The following CECR2 variants were observed in gnomAD, a reference collection of about 807,000 sequenced individuals.
CECR2 encodes CECR2 histone acetyl-lysine reader.
In CECR2, 30 loss-of-function variants were observed where a neutral mutation model predicts 154.5. That is an observed-to-expected ratio of 0.19 (90% CI 0.15 to 0.26). The LOEUF (loss-of-function observed/expected upper bound fraction) is 0.26, where lower values mean the gene tolerates loss of function less well. Among genes scored for constraint, CECR2 ranks in the 10% least tolerant of loss-of-function variants. The pLI is 1.00. For synonymous variants in CECR2, 725 were observed against 683.7 expected, an observed-to-expected ratio of 1.06 and a Z score of -0.94; for missense variants, 1,743 against 1,829.3, an observed-to-expected ratio of 0.95 and a Z score of 0.86.
intron 8 of CECR2, among the ~76,000 whole-genome samples, chr22:17,521,861 C>T (rs972830408): frequency 6.6e-6 from 1 of 152,114 alleles, no homozygotes; most frequent in African/African-American, 2.4e-5. Flanking sequence ...CCTAGGTTTT[C>T]TTCTAGGGTT....
In CECR2 at chr22:17,484,792, T is replaced by G. The variant is rs1355302857; in HGVS notation, c.221+7110T>G. Among the ~76,000 whole-genome samples the G allele has an allele frequency of 2.6e-5, 4 of 152,204 alleles. No homozygotes were observed. In the East Asian group the frequency reaches 5.8e-4, roughly 22 times the overall value. Reference sequence around the variant, plus strand: ...ACTCTGTAGGCTGAGGCATGAGAATTGCTTGAACCTGGAAGGCAGAGGTTG... The same window carrying G: ...ACTCTGTAGGCTGAGGCATGAGAATGGCTTGAACCTGGAAGGCAGAGGTTG... On this transcript the variant is annotated intron_variant, in intron 2 of 18. Transcript: ENST00000262608.
intron 1 of CECR2, among the ~76,000 whole-genome samples, chr22:17,388,784 G>A (rs559002835): frequency 4.6e-5 from 7 of 152,122 alleles, no homozygotes; most frequent in African/African-American, 1.4e-4. Flanking sequence ...GTAACTCTGG[G>A]TTGGGTTTTT....
chr22:17,395,061 C>T (rs1362679923), intron 1 of CECR2, among the ~76,000 whole-genome samples: 2 of 152,160 alleles, frequency 1.3e-5, no homozygotes, highest in African/African-American at 4.8e-5. Context: ...AGATACAGAG[C>T]ATTTGTATCT....
At chr22:17,534,034 T>C (rs1974713) in intron 9 of CECR2, among the ~76,000 whole-genome samples, 25,716 of 151,928 alleles carry the variant, frequency 0.17, 2,450 homozygotes, top group East Asian at 0.44. Context: ...CATGAAAACT[T>C]GCAAAAACAA....
chr22:17,402,161 T>TGTTGTTGTTGTTG, intron 1 of CECR2, among the ~76,000 whole-genome samples: 1 of 152,156 alleles, frequency 6.6e-6, no homozygotes, highest in African/African-American at 2.4e-5. Flanking sequence ...TTTCTTGTAT[T>TGTTGTTGTTGTTG]TTTAGTAGAG....
At chr22:17,539,229 A>C in intron 13 of CECR2, 110 bp downstream of exon 13, 2 of 1,244,066 alleles carry the variant, frequency 1.6e-6, no homozygotes. Context: ...AGTGAACAGA[A>C]TGTGTATGAA....
At chr22:17,506,041 C>A (rs913390682) in intron 7 of CECR2, among the ~76,000 whole-genome samples, 4 of 151,782 alleles carry the variant, frequency 2.6e-5, no homozygotes, top group Admixed American at 2.0e-4. Flanking sequence ...GAGACGAGGT[C>A]TTGCTCTGCT....
chr22:17,480,929 A>C (rs1444464649), intron 2 of CECR2, among the ~76,000 whole-genome samples: 2 of 151,470 alleles, frequency 1.3e-5, no homozygotes, highest in African/African-American at 4.9e-5. Context: ...AGTCCCAGCT[A>C]CTCAGGAGGC....
chr22:17,477,697 T>C lies in CECR2; in HGVS notation c.221+15T>C. The C allele has an allele frequency of 6.4e-7, 1 of 1,566,660 alleles. No homozygotes were observed. Among genetic ancestry groups the C allele is most frequent in the Non-Finnish European group, 8.8e-7 (1 of 1,137,152 alleles). On this transcript the variant is annotated intron_variant, in intron 2 of 18. Coordinates refer to ENST00000262608, the MANE Select transcript of CECR2 (RefSeq NM_001290047.2). ...AGAGATATCACGTGAGTAATTCTGA[T>C]CTTTCTAAGCATTTCTTGCGCCAAG...
rs373814902 is a variant in CECR2, at chr22:17,542,479, G to T, written c.2336G>T (p.Gly779Val). Residue 779 changes from glycine (G) to valine (V), a missense_variant, in exon 16 of 19, where the codon GGT (glycine) becomes GTT (valine). Around this residue, in one of 4 missense-constraint regions of CECR2, gnomAD observed 1,250 missense variants for 1,192.1 expected, o/e 1.05. Transcript: ENST00000262608. The stretch of plus-strand genomic sequence containing the variant: ...TCTGCCGTCTGGAATGGGAACCATG[G>T]TGCTACGAACCAAGGACCCTTGGGC... ...VHSAVWNGNH[G>V]ATNQGPLGPD... is the part of the protein sequence containing the mutation. 1.8e-5 allele frequency: 29 copies of T among 1,613,968 alleles called. No homozygotes were observed. The highest frequency in any genetic ancestry group is 2.4e-5 in the Non-Finnish European group (28 of 1,179,872).
At chr22:17,551,127 T>C (rs1480561243) in intron 17 of CECR2, among the ~76,000 whole-genome samples, 2 of 152,198 alleles carry the variant, frequency 1.3e-5, no homozygotes, top group Non-Finnish European at 2.9e-5. Flanking sequence ...TTTCCTAAGC[T>C]GTTGGAAAGT....
chr22:17,518,055 C>G (rs980627889), intron 8 of CECR2, among the ~76,000 whole-genome samples: 1 of 152,116 alleles, frequency 6.6e-6, no homozygotes, highest in African/African-American at 2.4e-5. Flanking sequence ...ATATGCTTCT[C>G]CATTGTAATG....
intron 1 of CECR2, among the ~76,000 whole-genome samples, chr22:17,429,762 G>A (rs73876438): frequency 0.067 from 10,233 of 152,054 alleles, 934 homozygotes; most frequent in East Asian, 0.36. Flanking sequence ...TAAGGAAATG[G>A]GTAGGTTAGT....
chr22:17,455,471 A>G (rs995669931), intron 1 of CECR2, among the ~76,000 whole-genome samples: 6 of 152,122 alleles, frequency 3.9e-5, no homozygotes, highest in Non-Finnish European at 8.8e-5. Context: ...TTGATCGTTC[A>G]TCTTTTCTCC....
chr22:17,515,437 T>C (rs1277488546), intron 8 of CECR2, among the ~76,000 whole-genome samples: 2 of 152,356 alleles, frequency 1.3e-5, no homozygotes, highest in East Asian at 3.9e-4. Context: ...AAAGACCTGG[T>C]AATCCCACAA....
intron 1 of CECR2, among the ~76,000 whole-genome samples, chr22:17,370,361 A>G (rs1447652841): frequency 2.1e-5 from 3 of 141,268 alleles, no homozygotes; most frequent in East Asian, 2.2e-4. Flanking sequence ...CCGGGGCGGG[A>G]GTCGGCCGCG....
intron 1 of CECR2, among the ~76,000 whole-genome samples, chr22:17,472,275 A>G (rs2055140219): frequency 6.6e-6 from 1 of 152,184 alleles, no homozygotes; most frequent in Non-Finnish European, 1.5e-5. Flanking sequence ...TTTGGGATTA[A>G]ATTAATTTAT....
chr22:17,379,581 G>GGGGT (rs750622257), intron 1 of CECR2, among the ~76,000 whole-genome samples: 30 of 137,904 alleles, frequency 2.2e-4, no homozygotes, highest in Non-Finnish European at 2.3e-4. Context: ...CTACGTTGAA[G>GGGGT]GTGTGTGTGT....
intron 1 of CECR2, among the ~76,000 whole-genome samples, chr22:17,464,989 A>G (rs1453988764): frequency 1.5e-5 from 2 of 135,044 alleles, no homozygotes; most frequent in Non-Finnish European, 3.1e-5. Flanking sequence ...TAAAACATCA[A>G]TATTTAAATT....
Sources: allele counts gnomAD v4.1 joint callset (sites outside exome capture counted in the v4.1 genomes callset), GRCh38; gene constraint gnomAD v4.1.1; regional missense constraint gnomAD v4.1.1; transcripts MANE v1.5; gene names NCBI Gene and HGNC (gene_info 2026-07-23, HGNC 2026-07-21).